Variants in MARK3 observed in about 807,000 individuals in gnomAD.
MARK3 encodes MAP/microtubule affinity-regulating kinase 3.
A neutral mutation model predicts 90.1 loss-of-function variants in MARK3; 46 were observed. That is an observed-to-expected ratio of 0.51 (90% CI 0.40 to 0.65). The LOEUF (loss-of-function observed/expected upper bound fraction) is 0.65, where lower values mean the gene tolerates loss of function less well. MARK3 is among the 30% of genes least tolerant of loss of function. MARK3 has a pLI of 0.00. For missense variants in MARK3, 818 were observed against 947.2 expected (o/e 0.86, Z 1.79); for synonymous variants, 321 against 332.6 (o/e 0.97, Z 0.38).
chr14:103,462,839 C>T (rs1190688002), intron 7 of MARK3, among the ~76,000 whole-genome samples: 2 of 152,176 alleles, frequency 1.3e-5, no homozygotes, highest in African/African-American at 2.4e-5. Context: ...AGACCTCTTT[C>T]AAGGTCCTCA....
intron 12 of MARK3, among the ~76,000 whole-genome samples, chr14:103,470,881 C>T (rs1223650926): frequency 6.6e-6 from 1 of 152,200 alleles, no homozygotes; most frequent in Non-Finnish European, 1.5e-5. Flanking sequence ...AATGATTACA[C>T]TTGGCTTGAT....
In MARK3 at chr14:103,465,835, A is replaced by C. The variant is rs768955848; in HGVS notation, c.777+42A>C. On this transcript the variant is annotated intron_variant, in intron 8 of 17. Coordinates refer to ENST00000429436, the MANE Select transcript of MARK3 (RefSeq NM_001128918.3). ...CCATGTACTTCACTAAACTAAAAGA[A>C]GTTTCCTAATATTACATGGCTTAAT... is the stretch of plus-strand genomic sequence containing the variant. 1.3e-5 allele frequency: 21 copies of C among 1,570,574 alleles called. No individual in the cohort carries two copies. The South Asian group carries it at 2.4e-4, about 18-fold the overall frequency.
At chr14:103,481,256 A>G (rs938736929) in intron 14 of MARK3, among the ~76,000 whole-genome samples, 2 of 152,228 alleles carry the variant, frequency 1.3e-5, no homozygotes, top group Non-Finnish European at 2.9e-5. Context: ...GTTCAGAACA[A>G]ATTTCCCAGG....
chr14:103,427,817 C>A (rs376294843), intron 2 of MARK3, among the ~76,000 whole-genome samples: 1 of 152,170 alleles, frequency 6.6e-6, no homozygotes, highest in Non-Finnish European at 1.5e-5. Context: ...AGGTCACTTT[C>A]ATCGCCATCT....
At chr14:103,442,953 C>G (rs1162166134) in intron 3 of MARK3, among the ~76,000 whole-genome samples, 2 of 147,430 alleles carry the variant, frequency 1.4e-5, no homozygotes, top group Admixed American at 6.7e-5. Context: ...CCCCCCCCCT[C>G]CCACCGACAA....
intron 1 of MARK3, among the ~76,000 whole-genome samples, chr14:103,390,748 A>G (rs751197999): frequency 9.9e-5 from 15 of 152,168 alleles, no homozygotes; most frequent in Non-Finnish European, 2.1e-4. Flanking sequence ...TCGCTCTGTC[A>G]CCCAGGCTGG....
At chr14:103,473,863 C>A (rs936615854) in intron 12 of MARK3, among the ~76,000 whole-genome samples, 3 of 152,008 alleles carry the variant, frequency 2.0e-5, no homozygotes, top group African/African-American at 7.2e-5. Context: ...CCACACACCT[C>A]CCACCTTTAA....
chr14:103,425,239 CTATTTATTTATTATT>C (rs1000250498), intron 2 of MARK3, among the ~76,000 whole-genome samples: 4 of 133,920 alleles, frequency 3.0e-5, no homozygotes, highest in Non-Finnish European at 4.8e-5. Flanking sequence ...CACACCTGGC[CTATTTATTTATTATT>C]TATTTATTTA....
intron 3 of MARK3, among the ~76,000 whole-genome samples, chr14:103,431,738 A>G (rs1369115085): frequency 3.3e-5 from 5 of 152,138 alleles, no homozygotes; most frequent in African/African-American, 7.2e-5. Flanking sequence ...TGGCTTTGCT[A>G]TTAGAGCCTT....
intron 2 of MARK3, among the ~76,000 whole-genome samples, chr14:103,413,147 T>C (rs888808656): frequency 2.0e-5 from 3 of 152,312 alleles, no homozygotes; most frequent in Non-Finnish European, 2.9e-5. Context: ...GTGCTGGGAT[T>C]ACCAGTGTAA....
At chr14:103,398,909 G>C (rs1419334215) in intron 1 of MARK3, among the ~76,000 whole-genome samples, 4 of 152,152 alleles carry the variant, frequency 2.6e-5, no homozygotes, top group African/African-American at 9.7e-5. Flanking sequence ...TGTGATTTAA[G>C]GAATAGAATG....
At chr14:103,454,604 A>G (rs2093234207) in intron 5 of MARK3, among the ~76,000 whole-genome samples, 1 of 152,162 alleles carries the variant, frequency 6.6e-6, no homozygotes, top group Non-Finnish European at 1.5e-5. Flanking sequence ...CATATGTTTT[A>G]TTGTTGATGT....
At position 103,474,980 on chromosome 14, in the gene MARK3, C is replaced by G; in HGVS notation, c.1265-13C>G. The stretch of plus-strand genomic sequence containing the variant: ...TATATTCAGTCATTTAAAAAATGAA[C>G]TCTTTATTTTAGCTGGACCAGCTAT... On this transcript the variant is annotated splice_polypyrimidine_tract_variant and intron_variant, in intron 12 of 17. Transcript: ENST00000429436. 2 of 1,592,960 alleles carry G rather than the reference C, an allele frequency of 1.3e-6. No individual in the cohort carries two copies. The highest frequency in any genetic ancestry group is 1.7e-6 in the Non-Finnish European group (2 of 1,163,178).
intron 6 of MARK3, chr14:103,458,606 G>T (rs1323380566): frequency 2.0e-6 from 1 of 491,040 alleles, no homozygotes; most frequent in Non-Finnish European, 3.6e-6. Flanking sequence ...TTAGACGAAG[G>T]AAAGGAGCAG....
At chr14:103,443,708 A>G (rs945806906) in intron 3 of MARK3, among the ~76,000 whole-genome samples, 5 of 152,252 alleles carry the variant, frequency 3.3e-5, no homozygotes, top group African/African-American at 1.2e-4. Flanking sequence ...TGTGGCAACC[A>G]GTGACATCAG....
In MARK3 at chr14:103,502,940, C is replaced by T. The variant is rs2075753038; in HGVS notation, c.1975C>T (p.Arg659Cys). The T allele has an allele frequency of 1.2e-6, 2 of 1,614,146 alleles. No homozygotes were observed. Among genetic ancestry groups the T allele is most frequent in the African/African-American group, 1.3e-5 (1 of 74,948 alleles). The part of the protein sequence containing the change: ...ENKEAKPRSL[R>C]FTWSMKTTSS... The stretch of plus-strand genomic sequence containing the variant: ...CAAAGAAGCAAAGCCTCGATCCCTA[C>T]GCTTCACCTGGAGCATGAAAACCAC... The change falls in exon 18 of 18, where the codon CGC becomes TGC. Residue 659 changes from arginine (R) to cysteine (C), a missense_variant. Physicochemically the swap from Arg to Cys is radical, Grantham distance 180. Transcript: ENST00000429436.
At position 103,474,973 on chromosome 14, in the gene MARK3, A is replaced by G. The variant is rs2093690383; in HGVS notation, c.1265-20A>G. The G allele has an allele frequency of 6.3e-7, 1 of 1,589,672 alleles. No individual in the cohort carries two copies. The highest frequency in any genetic ancestry group is 8.6e-7 in the Non-Finnish European group (1 of 1,160,074). On this transcript the variant is annotated intron_variant, in intron 12 of 17. Transcript: ENST00000429436. ...TTGAAACTATATTCAGTCATTTAAA[A>G]AATGAACTCTTTATTTTAGCTGGAC...
intron 2 of MARK3, among the ~76,000 whole-genome samples, chr14:103,425,009 C>T (rs10145793): frequency 0.29 from 43,687 of 150,850 alleles, 6,884 homozygotes; most frequent in Middle Eastern, 0.46. Context: ...GGCATGATCT[C>T]GGCTCACTGC....
At chr14:103,477,285 A>T (rs1199625306) in intron 13 of MARK3, among the ~76,000 whole-genome samples, 1 of 152,198 alleles carries the variant, frequency 6.6e-6, no homozygotes, top group African/African-American at 2.4e-5. Context: ...TGAGGTCAGG[A>T]GTTCAAGAAC....
Sources: gnomAD v4.1 joint callset for allele counts (sites outside exome capture counted in the v4.1 genomes callset) on GRCh38, gnomAD v4.1.1 for gene constraint, MANE v1.5 for transcripts, NCBI Gene and HGNC (gene_info 2026-07-23, HGNC 2026-07-21) for gene names.